CNTN1: variants seen among roughly 807,000 people sequenced by gnomAD.
The protein encoded by CNTN1 is contactin 1.
A neutral mutation model predicts 126.4 loss-of-function variants in CNTN1; 38 were observed. The observed-to-expected ratio is 0.30, with a 90% CI of 0.23 to 0.39. CNTN1 has a LOEUF of 0.39. CNTN1 is among the 10% of genes least tolerant of loss of function. The pLI is 1.00. For synonymous variants in CNTN1, 413 were observed against 422.6 expected (o/e 0.98, Z 0.28); for missense variants, 1,009 against 1,248.4 (o/e 0.81, Z 2.89).
At chr12:40,733,022 T>C (rs1480143137) in intron 1 of CNTN1, among the ~76,000 whole-genome samples, 1 of 152,010 alleles carries the variant, frequency 6.6e-6, no homozygotes. Flanking sequence ...TGATAATCAG[T>C]ACGGAGCCTA....
At chr12:41,067,713 A>G (rs1446749234) in intron 23 of CNTN1, among the ~76,000 whole-genome samples, 2 of 151,534 alleles carry the variant, frequency 1.3e-5, no homozygotes, top group Admixed American at 1.3e-4. Flanking sequence ...ACATGTATAC[A>G]TATGTAACTA....
At position 41,025,248 on chromosome 12, in the gene CNTN1, C is replaced by T. The variant is rs1949013999; in HGVS notation, c.2622C>T (p.Asp874=). The T allele has an allele frequency of 1.2e-6, 2 of 1,613,996 alleles. No homozygotes were observed. The highest frequency in any genetic ancestry group is 8.5e-7 in the Non-Finnish European group (1 of 1,179,874). ...YSARLENLLP[D]TQYFIEVGAC... ...CCAGGCTCGAGAACCTTCTGCCAGA[C>T]ACCCAGTATTTTATAGAAGTCGGGG... The change falls in exon 21 of 24, where the codon GAC becomes GAT. Residue 874 remains aspartate, a synonymous_variant. Transcript: ENST00000551295.
chr12:40,746,765 G>A (rs750558992), intron 1 of CNTN1, among the ~76,000 whole-genome samples: 30 of 152,056 alleles, frequency 2.0e-4, no homozygotes, highest in Non-Finnish European at 3.1e-4. Flanking sequence ...TCCCTTTTCC[G>A]GTGGAATGCC....
chr12:41,057,165 GATATTTATATTATAAATATTTAGAT>G (rs887672885), intron 23 of CNTN1, among the ~76,000 whole-genome samples: 11 of 122,358 alleles, frequency 9.0e-5, no homozygotes, highest in Admixed American at 6.5e-4. Flanking sequence ...TAAATATTAA[GATATTTATATTATAAATATTTAGAT>G]ATTTATATTA....
chr12:41,028,345 T>G (rs1038092636), intron 22 of CNTN1, among the ~76,000 whole-genome samples: 1 of 152,204 alleles, frequency 6.6e-6, no homozygotes. Flanking sequence ...TTCAACTTTC[T>G]TATTCTATTT....
intron 1 of CNTN1, among the ~76,000 whole-genome samples, chr12:40,854,520 A>G (rs1447573494): frequency 1.3e-5 from 2 of 152,142 alleles, no homozygotes; most frequent in Admixed American, 6.6e-5. Context: ...CTGTGTCTCT[A>G]AACTTGGATC....
chr12:41,058,387 A>G (rs1271286332), intron 23 of CNTN1, among the ~76,000 whole-genome samples: 1 of 152,136 alleles, frequency 6.6e-6, no homozygotes, highest in Non-Finnish European at 1.5e-5. Flanking sequence ...TGATGGAATG[A>G]ATAAAAGAAG....
intron 17 of CNTN1, among the ~76,000 whole-genome samples, chr12:40,999,655 T>C (rs1948305488): frequency 6.7e-6 from 1 of 149,326 alleles, no homozygotes; most frequent in Non-Finnish European, 1.5e-5. Context: ...AAGTAAGATA[T>C]AAAAACACTT....
chr12:40,710,923 AC>A (rs1226781409), intron 1 of CNTN1, among the ~76,000 whole-genome samples: 1 of 152,124 alleles, frequency 6.6e-6, no homozygotes, highest in African/African-American at 2.4e-5. Flanking sequence ...AGTTATTTCT[AC>A]TTTTGAATTT....
chr12:40,965,694 C>T (rs139627196), intron 15 of CNTN1, among the ~76,000 whole-genome samples: 9 of 152,154 alleles, frequency 5.9e-5, no homozygotes, highest in Non-Finnish European at 1.0e-4. Flanking sequence ...GCCACAGGAC[C>T]GCATGTTGCC....
chr12:40,898,627 A>G (rs1352717403), intron 1 of CNTN1, among the ~76,000 whole-genome samples: 2 of 152,196 alleles, frequency 1.3e-5, no homozygotes, highest in Non-Finnish European at 2.9e-5. Context: ...TACTGATACA[A>G]TGACCTGTAT....
chr12:40,917,700 T>A (rs953161639), intron 3 of CNTN1, among the ~76,000 whole-genome samples: 4 of 152,158 alleles, frequency 2.6e-5, no homozygotes, highest in African/African-American at 9.7e-5. Flanking sequence ...ATTAATTCAT[T>A]TGAGGCATAT....
At chr12:40,787,840 T>C (rs1233898083) in intron 1 of CNTN1, among the ~76,000 whole-genome samples, 1 of 152,178 alleles carries the variant, frequency 6.6e-6, no homozygotes, top group Non-Finnish European at 1.5e-5. Context: ...TTTTGCTGAA[T>C]TTAATAATTT....
At chr12:40,937,924 C>T (rs1429375133) in intron 11 of CNTN1, among the ~76,000 whole-genome samples, 1 of 152,102 alleles carries the variant, frequency 6.6e-6, no homozygotes, top group Non-Finnish European at 1.5e-5. Context: ...AGTGGCCATA[C>T]CTAGGAGCAC....
intron 1 of CNTN1, among the ~76,000 whole-genome samples, chr12:40,887,176 G>A (rs1256623116): frequency 1.3e-5 from 2 of 151,822 alleles, no homozygotes; most frequent in South Asian, 2.1e-4. Flanking sequence ...CCATTTTCAC[G>A]ATATTGATTC....
At chr12:40,838,301 A>G (rs1046347233) in intron 1 of CNTN1, among the ~76,000 whole-genome samples, 2 of 150,386 alleles carry the variant, frequency 1.3e-5, no homozygotes, top group Non-Finnish European at 3.0e-5. Context: ...CGCCTAGCCC[A>G]TTGCTGCTAC....
chr12:40,803,850 T>C (rs1940742517), intron 1 of CNTN1, among the ~76,000 whole-genome samples: 1 of 151,382 alleles, frequency 6.6e-6, no homozygotes, highest in Non-Finnish European at 1.5e-5. Context: ...ATAGGGGAGA[T>C]AACTTTTGGA....
chr12:40,957,488 T>C (rs1592320784), intron 14 of CNTN1, among the ~76,000 whole-genome samples: 1 of 151,628 alleles, frequency 6.6e-6, no homozygotes, highest in Non-Finnish European at 1.5e-5. Context: ...GCTCCTTCAG[T>C]TGTTCAGTAA....
intron 17 of CNTN1, among the ~76,000 whole-genome samples, chr12:41,005,987 C>G (rs930494879): frequency 3.3e-5 from 5 of 152,156 alleles, no homozygotes; most frequent in Non-Finnish European, 7.3e-5. Flanking sequence ...TTGGAGGAAA[C>G]AAGGCACTCT....
Sources: allele counts gnomAD v4.1 joint callset (sites outside exome capture counted in the v4.1 genomes callset), GRCh38; gene constraint gnomAD v4.1.1; transcripts MANE v1.5; gene names NCBI Gene and HGNC (gene_info 2026-07-23, HGNC 2026-07-21).